AFF2: variants seen among roughly 807,000 people sequenced by gnomAD.
AFF2 encodes ALF transcription elongation factor 2.
AFF2 carries 14 observed loss-of-function variants against 76.9 expected under a neutral mutation model. The ratio of observed to expected loss-of-function variants is 0.18; its 90% CI spans 0.12 to 0.28. The LOEUF (loss-of-function observed/expected upper bound fraction) is 0.28. Among genes scored for constraint, AFF2 ranks in the 10% least tolerant of loss-of-function variants. The pLI is 1.00. For synonymous variants in AFF2, 398 were observed against 366.7 expected (o/e 1.09, Z -0.98); for missense variants, 868 against 1,001.1 (o/e 0.87, Z 1.79).
At chrX:148,911,572 G>T (rs782315386) in intron 9 of AFF2, among the ~76,000 whole-genome samples, 2 of 111,967 alleles carry the variant, frequency 1.8e-5, no homozygotes, top group South Asian at 7.6e-4. Flanking sequence ...CATAATGTAG[G>T]CTCAAAGAAG....
chrX:148,560,319 T>G (rs1277792175), intron 1 of AFF2, among the ~76,000 whole-genome samples: 1 of 111,708 alleles, frequency 9.0e-6, no homozygotes, highest in African/African-American at 3.3e-5. Context: ...TTGGAAAAAC[T>G]GGCTAGCCAT....
intron 3 of AFF2, among the ~76,000 whole-genome samples, chrX:148,738,648 T>C (rs1419753700): frequency 9.0e-6 from 1 of 111,719 alleles, no homozygotes; most frequent in Non-Finnish European, 1.9e-5. Flanking sequence ...TTATTTTCTT[T>C]CTCCTGCTGG....
At chrX:148,860,322 A>G (rs782257383) in intron 7 of AFF2, among the ~76,000 whole-genome samples, 1 of 111,985 alleles carries the variant, frequency 8.9e-6, no homozygotes, top group Admixed American at 9.5e-5. Flanking sequence ...TCTAACAATA[A>G]ATTGAGAAAA....
chrX:148,672,616 G>T (rs781859516), intron 3 of AFF2, among the ~76,000 whole-genome samples: 1 of 112,011 alleles, frequency 8.9e-6, no homozygotes, highest in Non-Finnish European at 1.9e-5. Flanking sequence ...CCCTTCTTAG[G>T]TTCATATTTC....
Position 148,730,824 on chromosome X carries a change from C to T in AFF2, c.1041+68056C>T, listed in dbSNP as rs781838811. Reference sequence around the variant, plus strand: ...AGAATTGAGCTCCCCATTGCCAGTGCAGCTTTCTGATGGTGGTGTGGTCTC... The same window carrying T: ...AGAATTGAGCTCCCCATTGCCAGTGTAGCTTTCTGATGGTGGTGTGGTCTC... On this transcript the variant is annotated intron_variant, in intron 3 of 20. Transcript: ENST00000370460. 1.2e-4 allele frequency among the ~76,000 whole-genome samples: 14 copies of T among 112,299 alleles called. No individual in the cohort carries two copies. The East Asian group carries it at 4.0e-3, about 32-fold the overall frequency.
chrX:148,901,325 A>T (rs1016632042), intron 8 of AFF2, among the ~76,000 whole-genome samples: 1 of 111,725 alleles, frequency 9.0e-6, no homozygotes, highest in Non-Finnish European at 1.9e-5. Flanking sequence ...AGCTTCCTCA[A>T]TTGTGAGATA....
intron 1 of AFF2, among the ~76,000 whole-genome samples, chrX:148,509,123 C>T (rs782046132): frequency 5.4e-5 from 6 of 111,652 alleles, no homozygotes; most frequent in Non-Finnish European, 7.5e-5. Flanking sequence ...AGAAGATGAC[C>T]TCTGGCCTCA....
At chrX:148,807,630 G>A (rs782132337) in intron 3 of AFF2, among the ~76,000 whole-genome samples, 15 of 112,176 alleles carry the variant, frequency 1.3e-4, no homozygotes, top group South Asian at 3.7e-4. Context: ...ATGTGTTTGC[G>A]TGGGAAAAGG....
At position 148,925,612 on chromosome X, in the gene AFF2, G is replaced by A. The variant is rs1342747531; in HGVS notation, c.1397+21354G>A. On this transcript the variant is annotated intron_variant, in intron 9 of 20. Coordinates refer to ENST00000370460, the MANE Select transcript of AFF2 (RefSeq NM_002025.4). ...GAGGCATAGCCTGGAGTAGTGAGGGGCACAGTGTTTGGGTTCAAATCCCAG... is the reference window on the plus strand; with the variant it reads ...GAGGCATAGCCTGGAGTAGTGAGGGACACAGTGTTTGGGTTCAAATCCCAG... Among the ~76,000 whole-genome samples the A allele has an allele frequency of 5.3e-5, 6 of 112,279 alleles. No individual in the cohort carries two copies. The Admixed American group carries it at 5.6e-4, about 11-fold the overall frequency.
intron 3 of AFF2, among the ~76,000 whole-genome samples, chrX:148,769,632 G>A (rs191058537): frequency 7.2e-5 from 8 of 110,869 alleles, no homozygotes; most frequent in Admixed American, 1.9e-4. Flanking sequence ...TCGCTCTGGG[G>A]TCTTTAGTTT....
chrX:148,968,800 G>C (rs2072212792), intron 15 of AFF2, among the ~76,000 whole-genome samples: 1 of 112,338 alleles, frequency 8.9e-6, no homozygotes, highest in Admixed American at 9.4e-5. Context: ...AGACAAAAAT[G>C]ACAAGGCAGG....
chrX:148,989,514 G>A (rs955501968), intron 20 of AFF2, among the ~76,000 whole-genome samples: 1 of 112,126 alleles, frequency 8.9e-6, no homozygotes, highest in African/African-American at 3.2e-5. Context: ...TGTCATTGGG[G>A]TTTTCAGCGG....
intron 11 of AFF2, among the ~76,000 whole-genome samples, chrX:148,957,176 G>C (rs1557287493): frequency 8.9e-6 from 1 of 111,803 alleles, no homozygotes; most frequent in African/African-American, 3.3e-5. Context: ...AAATGGTTTG[G>C]TATCCAGTAT....
chrX:148,838,307 A>G (rs1557274013), intron 5 of AFF2, among the ~76,000 whole-genome samples: 1 of 112,485 alleles, frequency 8.9e-6, no homozygotes, highest in Non-Finnish European at 1.9e-5. Context: ...AAAAATATAT[A>G]TAATGTCTTC....
At chrX:148,983,965 A>AAAAAAAAAAAAAAAAAAAAC (rs1438744109) in intron 19 of AFF2, among the ~76,000 whole-genome samples, 2 of 99,790 alleles carry the variant, frequency 2.0e-5, no homozygotes, top group African/African-American at 7.7e-5. Context: ...AAAAAAAAAA[A>AAAAAAAAAAAAAAAAAAAAC]AAACTGCCCT....
At chrX:148,939,457 C>T (rs2071809114) in intron 9 of AFF2, among the ~76,000 whole-genome samples, 1 of 111,885 alleles carries the variant, frequency 8.9e-6, no homozygotes, top group Non-Finnish European at 1.9e-5. Context: ...GGAAATGTTA[C>T]ATTTGACTCT....
chrX:148,947,041 C>A (rs1301374652), intron 9 of AFF2, among the ~76,000 whole-genome samples: 1 of 112,119 alleles, frequency 8.9e-6, no homozygotes, highest in Non-Finnish European at 1.9e-5. Context: ...GGGCTTTAAG[C>A]AATGTCATGT....
intron 3 of AFF2, among the ~76,000 whole-genome samples, chrX:148,705,619 A>G (rs782032916): frequency 1.8e-5 from 2 of 112,051 alleles, no homozygotes; most frequent in East Asian, 5.6e-4. Context: ...AGTTTTCATC[A>G]TATATCTGAC....
intron 1 of AFF2, among the ~76,000 whole-genome samples, chrX:148,580,551 A>T (rs180920241): frequency 1.8e-5 from 2 of 111,513 alleles, no homozygotes; most frequent in African/African-American, 6.5e-5. Flanking sequence ...AGAGTGATCC[A>T]GCAGCAGACA....
Sources: allele counts gnomAD v4.1 joint callset (sites outside exome capture counted in the v4.1 genomes callset), GRCh38; gene constraint gnomAD v4.1.1; transcripts MANE v1.5; gene names NCBI Gene and HGNC (gene_info 2026-07-23, HGNC 2026-07-21).